TMTC1: variants seen among roughly 807,000 people sequenced by gnomAD.
TMTC1 encodes protein O-mannosyl-transferase TMTC1.
Under a neutral mutation model 104.8 loss-of-function variants are expected in TMTC1, and 73 were observed. The observed-to-expected ratio is 0.70, with a 90% CI of 0.58 to 0.85. The LOEUF is 0.85. Among genes scored for constraint, TMTC1 ranks in the 40% least tolerant of loss-of-function variants. The pLI, the probability that TMTC1 is intolerant of heterozygous loss-of-function variation, is 0.00. For synonymous variants in TMTC1, 434 were observed against 428.7 expected, an observed-to-expected ratio of 1.01 and a Z score of -0.15; for missense variants, 1,035 against 1,096.1, an observed-to-expected ratio of 0.94 and a Z score of 0.79.
intron 5 of TMTC1, among the ~76,000 whole-genome samples, chr12:29,715,225 A>G (rs1942042862): frequency 6.6e-6 from 1 of 152,204 alleles, no homozygotes. Context: ...ATTAAAAATG[A>G]TATTTATGAA....
chr12:29,710,818 A>ATATTAATACATAATGTATTTATATATAAT (rs1275869183), intron 5 of TMTC1, among the ~76,000 whole-genome samples: 24 of 12,674 alleles, frequency 1.9e-3, no homozygotes, highest in African/African-American at 3.2e-3. Context: ...TATATAATAT[A>ATATTAATACATAATGTATTTATATATAAT]ATGTTTATAT....
At chr12:29,643,980 T>A (rs1468415889) in intron 5 of TMTC1, among the ~76,000 whole-genome samples, 3 of 113,970 alleles carry the variant, frequency 2.6e-5, no homozygotes, top group Non-Finnish European at 3.3e-5. Context: ...TATAAATATA[T>A]ATAAATATAT....
chr12:29,702,313 T>C (rs889426907), intron 5 of TMTC1, among the ~76,000 whole-genome samples: 6 of 152,174 alleles, frequency 3.9e-5, no homozygotes, highest in Admixed American at 2.0e-4. Context: ...TTTGTATTAG[T>C]TATCTCTGTC....
Position 29,529,350 on chromosome 12 carries a change from G to GA in TMTC1, c.1785+6858dup, listed in dbSNP as rs1202701990. ...ATTCCAAAGCAGTAAAGGGCCAATA[G>GA]AAAAAAAAATGTTTCCAGTGCCCTG... is the stretch of plus-strand genomic sequence containing the variant. On this transcript the variant is annotated intron_variant, in intron 11 of 17. Coordinates refer to ENST00000539277, the MANE Select transcript of TMTC1 (RefSeq NM_001193451.2). Among the ~76,000 whole-genome samples, 1,358 of 151,330 alleles carry GA rather than the reference G, an allele frequency of 9.0e-3. 25 individuals are homozygous for GA. The highest frequency in any genetic ancestry group is 0.031 in the African/African-American group (1,279 of 41,318).
chr12:29,555,479 C>T (rs1945216673), intron 10 of TMTC1, among the ~76,000 whole-genome samples: 1 of 151,946 alleles, frequency 6.6e-6, no homozygotes, highest in Admixed American at 6.6e-5. Context: ...CCTCTTGCCC[C>T]CTACCCCCCG....
chr12:29,718,398 A>T (rs1406921835), intron 5 of TMTC1, among the ~76,000 whole-genome samples: 2 of 152,198 alleles, frequency 1.3e-5, no homozygotes, highest in African/African-American at 4.8e-5. Flanking sequence ...TGTAAAGCGA[A>T]GAGGAAATCC....
At chr12:29,657,647 G>A (rs540917956) in intron 5 of TMTC1, among the ~76,000 whole-genome samples, 3 of 152,128 alleles carry the variant, frequency 2.0e-5, no homozygotes, top group East Asian at 3.9e-4. Flanking sequence ...TGTGATAATC[G>A]AATTGGAATA....
At chr12:29,519,174 C>T (rs1170164063) in intron 12 of TMTC1, 1 of 152,174 alleles carries the variant, frequency 6.6e-6, no homozygotes, top group Non-Finnish European at 1.5e-5. Context: ...ATAATAATGC[C>T]ACCATGCACT....
intron 5 of TMTC1, among the ~76,000 whole-genome samples, chr12:29,709,316 T>C (rs1275970721): frequency 6.6e-6 from 1 of 152,160 alleles, no homozygotes; most frequent in Non-Finnish European, 1.5e-5. Flanking sequence ...GCCAGTCTTC[T>C]GCAAAATGGA....
intron 9 of TMTC1, chr12:29,569,016 TCACA>T: frequency 2.2e-6 from 1 of 455,798 alleles, no homozygotes; most frequent in Non-Finnish European, 4.4e-6. Flanking sequence ...GAGCTGCCCC[TCACA>T]GCAAAGCAAA....
intron 5 of TMTC1, among the ~76,000 whole-genome samples, chr12:29,673,463 T>A (rs1940595355): frequency 6.6e-6 from 1 of 152,254 alleles, no homozygotes; most frequent in Middle Eastern, 3.4e-3. Context: ...GCTTCTTATG[T>A]TCATATAATT....
intron 4 of TMTC1, 132 bp downstream of exon 4, chr12:29,755,577 T>C: frequency 1.4e-6 from 1 of 719,218 alleles, no homozygotes; most frequent in Non-Finnish European, 2.2e-6. Context: ...GCCTTGTTGA[T>C]TACGTGACAG....
chr12:29,673,733 C>T (rs1370255512), intron 5 of TMTC1, among the ~76,000 whole-genome samples: 1 of 145,260 alleles, frequency 6.9e-6, no homozygotes, highest in Non-Finnish European at 1.5e-5. Context: ...CTATGGCTGC[C>T]AGAGGGACTT....
At chr12:29,715,309 C>T (rs1257412980) in intron 5 of TMTC1, among the ~76,000 whole-genome samples, 1 of 152,128 alleles carries the variant, frequency 6.6e-6, no homozygotes, top group African/African-American at 2.4e-5. Context: ...TATAACAAGA[C>T]TCTATTCTCA....
intron 10 of TMTC1, 71 bp downstream of exon 10, chr12:29,556,786 A>AT: frequency 6.3e-7 from 1 of 1,590,886 alleles, no homozygotes; most frequent in Non-Finnish European, 8.6e-7. Context: ...GCACAATCAA[A>AT]TGAGTGTTGA....
chr12:29,592,021 T>C (rs1460307120), intron 7 of TMTC1, among the ~76,000 whole-genome samples: 1 of 152,228 alleles, frequency 6.6e-6, no homozygotes. Context: ...TGATATTTGC[T>C]ATGGCTTCAC....
chr12:29,556,601 T>C (rs1945251717), intron 10 of TMTC1, among the ~76,000 whole-genome samples: 1 of 152,204 alleles, frequency 6.6e-6, no homozygotes, highest in Admixed American at 6.5e-5. Context: ...GTAACACTTT[T>C]CCATTCTTAC....
chr12:29,626,920 G>C (rs1938025563), intron 6 of TMTC1, among the ~76,000 whole-genome samples: 2 of 152,092 alleles, frequency 1.3e-5, no homozygotes, highest in Admixed American at 6.6e-5. Flanking sequence ...GGCCAACACA[G>C]TGAAACCACA....
At chr12:29,764,364 T>C (rs1943417236) in intron 2 of TMTC1, among the ~76,000 whole-genome samples, 1 of 152,180 alleles carries the variant, frequency 6.6e-6, no homozygotes, top group Non-Finnish European at 1.5e-5. Flanking sequence ...ATTTATTTTA[T>C]CTGCAAGAAT....
Sources: allele counts gnomAD v4.1 joint callset (sites outside exome capture counted in the v4.1 genomes callset), GRCh38; gene constraint gnomAD v4.1.1; transcripts MANE v1.5; gene names NCBI Gene and HGNC (gene_info 2026-07-23, HGNC 2026-07-21).